FBN2: variants seen among roughly 807,000 people sequenced by gnomAD.
The protein encoded by FBN2 is fibrillin-2.
A neutral mutation model predicts 355.6 loss-of-function variants in FBN2; 105 were observed. That is an observed-to-expected ratio of 0.30 (90% CI 0.25 to 0.35). The LOEUF is 0.35. FBN2 is among the 10% of genes least tolerant of loss of function. The pLI, the probability that FBN2 is intolerant of heterozygous loss-of-function variation, is 1.00. For missense variants in FBN2, 3,280 were observed against 3,758.7 expected, an observed-to-expected ratio of 0.87 and a Z score of 3.33; for synonymous variants, 1,350 against 1,301.2, an observed-to-expected ratio of 1.04 and a Z score of -0.81.
At chr5:128,403,132 TAC>T (rs778739362) in intron 8 of FBN2, among the ~76,000 whole-genome samples, 103 of 152,302 alleles carry the variant, frequency 6.8e-4, no homozygotes, top group Non-Finnish European at 1.2e-3. Context: ...CAGCCAGCGT[TAC>T]ATAGAGTGCT....
At position 128,334,812 on chromosome 5, in the gene FBN2, A is replaced by C; in HGVS notation, c.4006T>G (p.Cys1336Gly). ...VNECDLNSNI[C>G]MFGECENTKG... Reference sequence around the variant, plus strand: ...GTGTTCTCACATTCCCCAAACATGCAGATATTTGAATTTAGGTCACATTCA... The same window carrying C: ...GTGTTCTCACATTCCCCAAACATGCCGATATTTGAATTTAGGTCACATTCA... Residue 1336 changes from cysteine (C) to glycine (G), a missense_variant, in exon 31 of 65, where the codon TGC becomes GGC. Physicochemically the swap from Cys to Gly is radical, Grantham distance 159. Coordinates refer to ENST00000262464, the MANE Select transcript of FBN2 (RefSeq NM_001999.4). 6.2e-7 allele frequency: 1 copy of C among 1,612,632 alleles called. No individual in the cohort carries two copies. The highest frequency in any genetic ancestry group is 8.5e-7 in the Non-Finnish European group (1 of 1,178,588).
chr5:128,281,072 T>A (rs557436238), intron 55 of FBN2, among the ~76,000 whole-genome samples: 99 of 152,312 alleles, frequency 6.5e-4, no homozygotes, highest in Non-Finnish European at 1.0e-3. Context: ...ACATTTATAT[T>A]TGCATGCACT....
intron 48 of FBN2, among the ~76,000 whole-genome samples, chr5:128,297,594 C>T (rs540971514): frequency 4.6e-5 from 7 of 152,134 alleles, no homozygotes; most frequent in Non-Finnish European, 8.8e-5. Flanking sequence ...TAAGTAATGG[C>T]CTTCTTTGTC....
intron 2 of FBN2, 61 bp downstream of exon 2, chr5:128,536,341 G>T: frequency 7.6e-7 from 1 of 1,313,090 alleles, no homozygotes; most frequent in Non-Finnish European, 1.1e-6. Context: ...GAGTGCAAGA[G>T]GTCGGCCGGA....
chr5:128,457,603 TC>T (rs1419509821), intron 6 of FBN2, among the ~76,000 whole-genome samples: 1 of 152,132 alleles, frequency 6.6e-6, no homozygotes, highest in Non-Finnish European at 1.5e-5. Context: ...ACAGTGGACC[TC>T]TCAGCAGAAA....
intron 62 of FBN2, among the ~76,000 whole-genome samples, chr5:128,265,430 T>A (rs1400637820): frequency 6.6e-6 from 1 of 152,198 alleles, no homozygotes; most frequent in Non-Finnish European, 1.5e-5. Context: ...CATATTTATA[T>A]TCTATAAATG....
intron 6 of FBN2, among the ~76,000 whole-genome samples, chr5:128,460,103 A>G (rs1008152493): frequency 6.6e-6 from 1 of 152,238 alleles, no homozygotes; most frequent in African/African-American, 2.4e-5. Context: ...GCTGATAAGC[A>G]ATTTCAGCAG....
intron 34 of FBN2, among the ~76,000 whole-genome samples, chr5:128,323,736 A>G (rs1386880748): frequency 6.6e-6 from 1 of 152,162 alleles, no homozygotes; most frequent in Non-Finnish European, 1.5e-5. Context: ...CATCGGGGAT[A>G]TTGGCTTGAA....
At position 128,263,448 on chromosome 5, in the gene FBN2, A is replaced by G. The variant is rs1037764333; in HGVS notation, c.8169T>C (p.Pro2723=). 1.2e-6 allele frequency: 2 copies of G among 1,613,794 alleles called. No homozygotes were observed. Among genetic ancestry groups the G allele is most frequent in the African/African-American group, 2.7e-5 (2 of 74,910 alleles). ...TEGGYLCGCP[P]GYYRVGQGHC... ...ACCCTTGTCCCACTCTGTAATACCC[A>G]GGGGGGCAGCCACAGAGGTAGCCCC... The change falls in exon 63 of 65, where the codon CCT becomes CCC. Residue 2723 remains proline (P), a synonymous_variant. Transcript: ENST00000262464.
intron 5 of FBN2, among the ~76,000 whole-genome samples, chr5:128,492,019 T>G (rs926942024): frequency 1.3e-5 from 2 of 152,162 alleles, no homozygotes; most frequent in Admixed American, 6.5e-5. Flanking sequence ...GTAAAATCAG[T>G]TAAAGATATT....
chr5:128,328,662 A>T (rs1035531097), intron 34 of FBN2, 34 bp downstream of exon 34: 1 of 1,613,102 alleles, frequency 6.2e-7, no homozygotes, highest in Non-Finnish European at 8.5e-7. Context: ...TGGTTGATCC[A>T]ACTTGAAAAT....
Position 128,451,345 on chromosome 5 carries a change from T to C in FBN2, c.827-4739A>G, listed in dbSNP as rs149916550. On this transcript the variant is annotated intron_variant, in intron 6 of 64. Coordinates refer to ENST00000262464, the MANE Select transcript of FBN2 (RefSeq NM_001999.4). Reference sequence around the variant, plus strand: ...AATACAATATATGGCAAGAAGTCTATATACTAAACATTCTAATTCAGCACA... The same window carrying C: ...AATACAATATATGGCAAGAAGTCTACATACTAAACATTCTAATTCAGCACA... Among the ~76,000 whole-genome samples the C allele has an allele frequency of 2.4e-3, 360 of 152,336 alleles. 2 individuals carry two copies. The highest frequency in any genetic ancestry group is 8.2e-3 in the African/African-American group (343 of 41,580).
chr5:128,268,265 GA>G (rs2126800172), intron 62 of FBN2, among the ~76,000 whole-genome samples: 1 of 152,152 alleles, frequency 6.6e-6, no homozygotes, highest in South Asian at 2.1e-4. Context: ...AATAAACTAA[GA>G]AATCTAGAAG....
intron 5 of FBN2, among the ~76,000 whole-genome samples, chr5:128,488,379 T>C (rs954410275): frequency 3.9e-5 from 6 of 152,200 alleles, no homozygotes; most frequent in South Asian, 2.1e-4. Context: ...GTGTATCTTA[T>C]GGTAGAGTTT....
At chr5:128,387,023 C>A (rs369347127) in intron 11 of FBN2, among the ~76,000 whole-genome samples, 2 of 152,090 alleles carry the variant, frequency 1.3e-5, no homozygotes, top group Non-Finnish European at 2.9e-5. Flanking sequence ...ATGAAACCAG[C>A]TCTTCTTTAT....
chr5:128,525,652 AT>A (rs1305696858), intron 4 of FBN2, among the ~76,000 whole-genome samples: 1 of 152,030 alleles, frequency 6.6e-6, no homozygotes, highest in East Asian at 1.9e-4. Context: ...TTCACCCTCC[AT>A]TTCTCAAACT....
chr5:128,328,304 C>A, intron 34 of FBN2: 1 of 413,228 alleles, frequency 2.4e-6, no homozygotes, highest in South Asian at 2.6e-5. Context: ...AAGGTAAATG[C>A]CAAAAATGAG....
chr5:128,388,994 T>C (rs1752441253), intron 11 of FBN2, among the ~76,000 whole-genome samples: 1 of 152,238 alleles, frequency 6.6e-6, no homozygotes, highest in African/African-American at 2.4e-5. Context: ...AAGTTTGGTT[T>C]CTTCACATAA....
At chr5:128,323,686 G>C (rs150303451) in intron 34 of FBN2, among the ~76,000 whole-genome samples, 1 of 152,128 alleles carries the variant, frequency 6.6e-6, no homozygotes, top group Non-Finnish European at 1.5e-5. Flanking sequence ...TGCTGGATTC[G>C]GTTTGCCAGT....
Sources: allele counts gnomAD v4.1 joint callset (sites outside exome capture counted in the v4.1 genomes callset), GRCh38; gene constraint gnomAD v4.1.1; transcripts MANE v1.5; gene names NCBI Gene and HGNC (gene_info 2026-07-23, HGNC 2026-07-21).